The following ZZZ3 variants were observed in gnomAD, a reference collection of about 807,000 sequenced individuals.
ZZZ3 encodes zinc finger ZZ-type containing 3.
In ZZZ3, 22 loss-of-function variants were observed where a neutral mutation model predicts 95.2. The observed-to-expected ratio is 0.23, with a 90% CI of 0.17 to 0.33. ZZZ3 has a LOEUF of 0.33. Ranked by LOEUF, ZZZ3 falls within the 10% of genes least tolerant of loss-of-function variation. The pLI is 1.00. For synonymous variants in ZZZ3, 335 were observed against 358.9 expected (o/e 0.93, Z 0.75); for missense variants, 885 against 1,066.5 (o/e 0.83, Z 2.37).
At chr1:77,578,091 G>A (rs1662146849) in intron 11 of ZZZ3, among the ~76,000 whole-genome samples, 2 of 151,912 alleles carry the variant, frequency 1.3e-5, no homozygotes, top group South Asian at 4.2e-4. Flanking sequence ...ATACCTGAGG[G>A]CCCAGTTTCC....
At chr1:77,627,514 C>T (rs1570549094) in intron 5 of ZZZ3, among the ~76,000 whole-genome samples, 4 of 152,124 alleles carry the variant, frequency 2.6e-5, no homozygotes, top group Admixed American at 2.6e-4. Context: ...ATGCAGCTTC[C>T]AAAATTGATG....
At chr1:77,580,030 T>C (rs1419946612) in intron 9 of ZZZ3, 2 of 153,240 alleles carry the variant, frequency 1.3e-5, no homozygotes, top group Non-Finnish European at 2.9e-5. Flanking sequence ...CAAAAACGTG[T>C]AAATTCACTT....
intron 11 of ZZZ3, among the ~76,000 whole-genome samples, chr1:77,577,316 A>G (rs906468360): frequency 6.6e-6 from 1 of 152,244 alleles, no homozygotes; most frequent in African/African-American, 2.4e-5. Flanking sequence ...TGATGAAAAC[A>G]TGGTTACATC....
At chr1:77,662,402 C>T (rs1409518081) in intron 1 of ZZZ3, among the ~76,000 whole-genome samples, 1 of 151,998 alleles carries the variant, frequency 6.6e-6, no homozygotes, top group East Asian at 1.9e-4. Flanking sequence ...CCCTGGCCTC[C>T]CAAAGTGCTG....
chr1:77,602,957 C>T (rs1012293308), intron 5 of ZZZ3, among the ~76,000 whole-genome samples: 2 of 151,578 alleles, frequency 1.3e-5, no homozygotes, highest in African/African-American at 4.8e-5. Flanking sequence ...ACTCTATCTT[C>T]AAGGCAGTTT....
chr1:77,676,315 C>A (rs766669002), intron 1 of ZZZ3, among the ~76,000 whole-genome samples: 1 of 152,164 alleles, frequency 6.6e-6, no homozygotes, highest in African/African-American at 2.4e-5. Context: ...TACAGGCGCA[C>A]GCCACCACAC....
At chr1:77,574,623 T>C (rs988145563) in intron 12 of ZZZ3, among the ~76,000 whole-genome samples, 4 of 152,062 alleles carry the variant, frequency 2.6e-5, no homozygotes, top group Non-Finnish European at 5.9e-5. Flanking sequence ...GCAGGAAATA[T>C]ACAAGATGAG....
At chr1:77,613,666 G>T (rs1197500153) in intron 5 of ZZZ3, among the ~76,000 whole-genome samples, 1 of 151,912 alleles carries the variant, frequency 6.6e-6, no homozygotes, top group African/African-American at 2.4e-5. Flanking sequence ...CCATTTATTA[G>T]AATAAAATAA....
At chr1:77,604,423 C>T (rs1222663570) in intron 5 of ZZZ3, among the ~76,000 whole-genome samples, 3 of 152,198 alleles carry the variant, frequency 2.0e-5, no homozygotes, top group African/African-American at 7.2e-5. Flanking sequence ...TAACTCTAAA[C>T]ATTAAGGTAC....
At chr1:77,623,420 C>CTA (rs2100801089) in intron 5 of ZZZ3, among the ~76,000 whole-genome samples, 1 of 152,280 alleles carries the variant, frequency 6.6e-6, no homozygotes, top group Non-Finnish European at 1.5e-5. Context: ...TACCAAGGAG[C>CTA]TATATAAAGA....
At chr1:77,682,398 G>C (rs1672864862) in intron 1 of ZZZ3, among the ~76,000 whole-genome samples, 187 bp downstream of exon 1, 1 of 152,224 alleles carries the variant, frequency 6.6e-6, no homozygotes, top group South Asian at 2.1e-4. Flanking sequence ...CTATCACTGC[G>C]TGGGGAGAAG....
chr1:77,621,677 T>A (rs1180580306), intron 5 of ZZZ3, among the ~76,000 whole-genome samples: 1 of 151,802 alleles, frequency 6.6e-6, no homozygotes, highest in African/African-American at 2.4e-5. Flanking sequence ...ATTAGCCACG[T>A]GTGGTGGTAC....
chr1:77,566,814 G>T (rs918393323), intron 13 of ZZZ3, among the ~76,000 whole-genome samples: 2 of 152,200 alleles, frequency 1.3e-5, no homozygotes, highest in African/African-American at 4.8e-5. Context: ...TGGTGGCATT[G>T]TGACAGTCCT....
chr1:77,680,213 A>G (rs1243855981), intron 1 of ZZZ3, among the ~76,000 whole-genome samples: 1 of 152,268 alleles, frequency 6.6e-6, no homozygotes, highest in Non-Finnish European at 1.5e-5. Context: ...CTTTTATGAC[A>G]GGAAATATCT....
intron 1 of ZZZ3, among the ~76,000 whole-genome samples, chr1:77,670,001 T>C (rs1213429492): frequency 6.6e-6 from 1 of 151,728 alleles, no homozygotes; most frequent in Non-Finnish European, 1.5e-5. Flanking sequence ...AGCACTGAAT[T>C]GTGCACTTAA....
chr1:77,681,347 G>A (rs1367169229), intron 1 of ZZZ3, among the ~76,000 whole-genome samples: 1 of 151,972 alleles, frequency 6.6e-6, no homozygotes, highest in Non-Finnish European at 1.5e-5. Context: ...AACAAACTAT[G>A]AATAAATTAA....
intron 10 of ZZZ3, among the ~76,000 whole-genome samples, 172 bp downstream of exon 10, chr1:77,579,350 CAAGTT>C (rs1170739517): frequency 6.6e-6 from 1 of 152,172 alleles, no homozygotes; most frequent in African/African-American, 2.4e-5. Flanking sequence ...AGAAGTATCT[CAAGTT>C]GTTTCTGAAA....
At chr1:77,651,632 CA>C (rs1669816925) in intron 1 of ZZZ3, among the ~76,000 whole-genome samples, 1 of 152,006 alleles carries the variant, frequency 6.6e-6, no homozygotes, top group Non-Finnish European at 1.5e-5. Context: ...TACAGTTATG[CA>C]AAATGAAAAA....
intron 11 of ZZZ3, among the ~76,000 whole-genome samples, chr1:77,576,858 CATGTGGTACGTGGGTCAT>C (rs1332138591): frequency 6.6e-6 from 1 of 152,108 alleles, no homozygotes; most frequent in Non-Finnish European, 1.5e-5. Context: ...TCGTGGGCCA[CATGTGGTACGTGGGTCAT>C]GGGTTGGACA....
Sources: gnomAD v4.1 joint callset for allele counts (sites outside exome capture counted in the v4.1 genomes callset) on GRCh38, gnomAD v4.1.1 for gene constraint, MANE v1.5 for transcripts, NCBI Gene and HGNC (gene_info 2026-07-23, HGNC 2026-07-21) for gene names.